COL6A6: variants seen among roughly 807,000 people sequenced by gnomAD.
COL6A6 encodes collagen alpha-6(VI) chain.
A neutral mutation model predicts 208.6 loss-of-function variants in COL6A6; 183 were observed. The observed-to-expected ratio is 0.88, with a 90% CI of 0.78 to 0.99. The LOEUF (loss-of-function observed/expected upper bound fraction) is 0.99, where lower values mean the gene tolerates loss of function less well. Ranked by LOEUF, COL6A6 falls within the 50% of genes least tolerant of loss-of-function variation. COL6A6 has a pLI of 0.00. For missense variants in COL6A6, 2,816 were observed against 2,815.2 expected, an observed-to-expected ratio of 1.00 and a Z score of -0.01; for synonymous variants, 973 against 1,011.8, an observed-to-expected ratio of 0.96 and a Z score of 0.73.
intron 1 of COL6A6, among the ~76,000 whole-genome samples, chr3:130,543,723 C>A (rs937159777): frequency 4.6e-5 from 7 of 152,060 alleles, no homozygotes; most frequent in Non-Finnish European, 1.5e-5. Flanking sequence ...TAATCAAATG[C>A]ATTATTGCTA....
intron 36 of COL6A6, 94 bp from the exon 37 acceptor site, chr3:130,675,108 G>T: frequency 1.2e-6 from 1 of 815,560 alleles, no homozygotes; most frequent in Non-Finnish European, 1.8e-6. Flanking sequence ...CAAGGAAATG[G>T]GTGAAACAAT....
intron 36 of COL6A6, among the ~76,000 whole-genome samples, chr3:130,672,319 G>A (rs1681924215): frequency 6.6e-6 from 1 of 152,086 alleles, no homozygotes. Flanking sequence ...AGCTATTGGA[G>A]TTACCAATCA....
At chr3:130,598,253 A>C (rs1234333868) in intron 18 of COL6A6, 112 bp from the exon 19 acceptor site, 8 of 663,410 alleles carry the variant, frequency 1.2e-5, no homozygotes, top group Non-Finnish European at 2.1e-5. Context: ...CTGCTTTCAA[A>C]TGGGTTGGAA....
In COL6A6 at chr3:130,589,016, G is replaced by C. The variant is rs1448568322; in HGVS notation, c.4126-74G>C. The stretch of plus-strand genomic sequence containing the variant: ...TGAAACTGTGGTAGAAGTCTGGATC[G>C]CATGGTTGAACTTGTATATGAGATT... On this transcript the variant is annotated intron_variant, in intron 11 of 36. Coordinates refer to ENST00000358511, the MANE Select transcript of COL6A6 (RefSeq NM_001102608.3). The C allele has an allele frequency of 1.5e-5, 16 of 1,095,348 alleles. No homozygotes were observed. In the Admixed American group the frequency reaches 3.1e-4, roughly 21 times the overall value. The allele number at this position is 1,095,348 out of a possible 1,614,324, so 67.9% of individuals were successfully genotyped here.
chr3:130,519,371 A>G (rs1417084669), intron 1 of COL6A6, among the ~76,000 whole-genome samples: 1 of 152,226 alleles, frequency 6.6e-6, no homozygotes, highest in Non-Finnish European at 1.5e-5. Flanking sequence ...GACCCCCTGC[A>G]AATATATAAA....
chr3:130,621,517 C>T (rs950141788), intron 23 of COL6A6, among the ~76,000 whole-genome samples: 6 of 152,150 alleles, frequency 3.9e-5, no homozygotes, highest in African/African-American at 1.4e-4. Context: ...GGAATGGCTT[C>T]TTTAAGTGTT....
At chr3:130,532,475 G>A (rs769131319) in intron 1 of COL6A6, among the ~76,000 whole-genome samples, 1 of 152,180 alleles carries the variant, frequency 6.6e-6, no homozygotes, top group Non-Finnish European at 1.5e-5. Context: ...GTCCGGGGCT[G>A]TCTTTGCTGG....
intron 17 of COL6A6, among the ~76,000 whole-genome samples, chr3:130,593,830 G>A (rs181340913): frequency 1.3e-5 from 2 of 152,268 alleles, no homozygotes; most frequent in Admixed American, 1.3e-4. Flanking sequence ...AGTGGTGCCA[G>A]GCAGCACATT....
At position 130,649,496 on chromosome 3, in the gene COL6A6, C is replaced by T. The variant is rs776769919; in HGVS notation, c.5667C>T (p.Gly1889=). Residue 1889 remains glycine, a synonymous_variant, in exon 33 of 37, where the codon GGC becomes GGT. Transcript: ENST00000358511. ...TCACCACGGCTGCCATGGAGTTCGGCGCGCTTGAAATCATTCCCGTGGTGA... is the reference window on the plus strand; with the variant it reads ...TCACCACGGCTGCCATGGAGTTCGGTGCGCTTGAAATCATTCCCGTGGTGA... The part of the protein sequence containing the change: ...HSITTAAMEF[G]ALEIIPVVIT... The T allele has an allele frequency of 5.0e-6, 8 of 1,606,778 alleles. No individual in the cohort carries two copies. Among genetic ancestry groups the T allele is most frequent in the East Asian group, 2.2e-5 (1 of 44,624 alleles).
chr3:130,585,584 C>A (rs576536525), intron 10 of COL6A6, among the ~76,000 whole-genome samples: 87 of 152,294 alleles, frequency 5.7e-4, no homozygotes, highest in African/African-American at 2.0e-3. Context: ...CAAAATAAGT[C>A]ATTGGCAACC....
intron 23 of COL6A6, among the ~76,000 whole-genome samples, chr3:130,617,627 A>G (rs975743239): frequency 6.6e-6 from 1 of 152,128 alleles, no homozygotes; most frequent in Admixed American, 6.5e-5. Context: ...TTAGCTCACC[A>G]TTTGATGGCC....
At chr3:130,635,072 G>A (rs186964913) in intron 27 of COL6A6, among the ~76,000 whole-genome samples, 97 of 151,900 alleles carry the variant, frequency 6.4e-4, no homozygotes, top group African/African-American at 2.1e-3. Flanking sequence ...CCATCTCTAC[G>A]AAAAATACAA....
intron 18 of COL6A6, among the ~76,000 whole-genome samples, chr3:130,596,035 C>T (rs971678542): frequency 5.9e-5 from 9 of 152,110 alleles, no homozygotes; most frequent in Non-Finnish European, 1.0e-4. Flanking sequence ...TTTTTGTTTT[C>T]TTTAATATAA....
chr3:130,649,094 A>C lies in COL6A6; in HGVS notation c.5265A>C (p.Pro1755=). The C allele has an allele frequency of 6.4e-7, 1 of 1,573,340 alleles. No homozygotes were observed. ...GAAAACCGGAATGCCCAGTGCACCCAACCGAGTTGGTGTTTGCCCTGGACC... is the reference window on the plus strand; with the variant it reads ...GAAAACCGGAATGCCCAGTGCACCCCACCGAGTTGGTGTTTGCCCTGGACC... ...RHGKPECPVH[P]TELVFALDHS... The change falls in exon 33 of 37, where the codon CCA becomes CCC. Residue 1755 remains proline, a synonymous_variant. Transcript: ENST00000358511.
chr3:130,673,962 A>AAT (rs529498281), intron 36 of COL6A6, among the ~76,000 whole-genome samples: 52 of 152,212 alleles, frequency 3.4e-4, no homozygotes, highest in Middle Eastern at 3.4e-3. Flanking sequence ...GTCTCAAATA[A>AAT]ATATATATAC....
intron 20 of COL6A6, among the ~76,000 whole-genome samples, chr3:130,603,996 ATAAG>A (rs2064105022): frequency 6.6e-6 from 1 of 152,192 alleles, no homozygotes; most frequent in Non-Finnish European, 1.5e-5. Flanking sequence ...CTGTTTAAAG[ATAAG>A]TCAGGTTATC....
chr3:130,590,947 C>A, intron 12 of COL6A6, 94 bp from the exon 13 acceptor site: 1 of 891,626 alleles, frequency 1.1e-6, no homozygotes, highest in Non-Finnish European at 1.8e-6. Context: ...CTTACTATTC[C>A]ACATGAAGTA....
chr3:130,547,083 CG>C (rs2107780798), intron 1 of COL6A6, among the ~76,000 whole-genome samples: 1 of 152,370 alleles, frequency 6.6e-6, no homozygotes, highest in South Asian at 2.1e-4. Flanking sequence ...AGCCCTTGGG[CG>C]GTTGATGCGA....
chr3:130,519,627 ACAAACT>A (rs1309850870), intron 1 of COL6A6, among the ~76,000 whole-genome samples: 1 of 152,232 alleles, frequency 6.6e-6, no homozygotes, highest in Non-Finnish European at 1.5e-5. Flanking sequence ...CAAGTTATAG[ACAAACT>A]CAAACAATGC....
Sources: gnomAD v4.1 joint callset for allele counts (sites outside exome capture counted in the v4.1 genomes callset) on GRCh38, gnomAD v4.1.1 for gene constraint, MANE v1.5 for transcripts, NCBI Gene and HGNC (gene_info 2026-07-23, HGNC 2026-07-21) for gene names.